Variants in SHQ1 observed in about 807,000 individuals in gnomAD.
SHQ1 encodes the protein protein SHQ1 homolog.
Under a neutral mutation model 53.8 loss-of-function variants are expected in SHQ1, and 49 were observed. That is an observed-to-expected ratio of 0.91 (90% CI 0.72 to 1.16). SHQ1 has a LOEUF of 1.16. SHQ1 is among the 50% of genes most tolerant of loss of function. The pLI, the probability that SHQ1 is intolerant of heterozygous loss-of-function variation, is 0.00. For missense variants in SHQ1, 738 were observed against 683.1 expected, an observed-to-expected ratio of 1.08 and a Z score of -0.90; for synonymous variants, 243 against 251.0, an observed-to-expected ratio of 0.97 and a Z score of 0.30.
intron 4 of SHQ1, among the ~76,000 whole-genome samples, chr3:72,834,470 C>T (rs1292130929): frequency 6.6e-6 from 1 of 152,104 alleles, no homozygotes; most frequent in Admixed American, 6.5e-5. Context: ...GTGGAGGTTG[C>T]AGTGAGATGA....
chr3:72,774,364 G>A (rs1302704131), intron 10 of SHQ1, among the ~76,000 whole-genome samples: 2 of 151,646 alleles, frequency 1.3e-5, no homozygotes, highest in South Asian at 2.1e-4. Flanking sequence ...ATGCAACACA[G>A]CAGCTAACAA....
intron 5 of SHQ1, 105 bp downstream of exon 5, chr3:72,832,264 T>A (rs114917255): frequency 4.0e-5 from 31 of 768,190 alleles, no homozygotes; most frequent in Non-Finnish European, 6.9e-5. Context: ...ATCAATAATT[T>A]CTGGAATCCG....
Position 72,786,462 on chromosome 3 carries a change from T to C in SHQ1, c.1181+6454A>G, listed in dbSNP as rs1437917552. Reference sequence around the variant, plus strand: ...CCTATCCCTTCTGTACTATAACCTATGCATCCTGGGTTTTCAGGCTGTTCA... The same window carrying C: ...CCTATCCCTTCTGTACTATAACCTACGCATCCTGGGTTTTCAGGCTGTTCA... On this transcript the variant is annotated intron_variant, in intron 10 of 10. Coordinates refer to ENST00000325599, the MANE Select transcript of SHQ1 (RefSeq NM_018130.3). Among the ~76,000 whole-genome samples the C allele has an allele frequency of 3.3e-5, 5 of 152,332 alleles. No individual in the cohort carries two copies. The East Asian group carries it at 7.7e-4, about 23-fold the overall frequency.
chr3:72,784,782 A>G (rs1195539595), intron 10 of SHQ1, among the ~76,000 whole-genome samples: 1 of 152,180 alleles, frequency 6.6e-6, no homozygotes, highest in African/African-American at 2.4e-5. Flanking sequence ...GCGTGCCTGA[A>G]TTTAACAGAT....
In SHQ1 at chr3:72,846,395, A is replaced by G. The variant is rs1708330147; in HGVS notation, c.143+1803T>C. Reference sequence around the variant, plus strand: ...CTGCAACCTTCGCCCCCCAGGTTCAAGCGATTCTCTCACCTCAAGCTTCCC... The same window carrying G: ...CTGCAACCTTCGCCCCCCAGGTTCAGGCGATTCTCTCACCTCAAGCTTCCC... On this transcript the variant is annotated intron_variant, in intron 1 of 10. Coordinates refer to ENST00000325599, the MANE Select transcript of SHQ1 (RefSeq NM_018130.3). The G allele has an allele frequency of 3.2e-6, 4 of 1,247,192 alleles. No homozygotes were observed. The South Asian group carries it at 4.3e-5, about 13-fold the overall frequency. 77.3% of individuals were successfully genotyped at this position (1,247,192 alleles called of 1,614,324 possible). A position where few individuals can be genotyped will look rare whatever the true frequency, so the allele number is the denominator to read the frequency against.
chr3:72,831,932 A>G (rs926750337), intron 5 of SHQ1, among the ~76,000 whole-genome samples: 1 of 152,256 alleles, frequency 6.6e-6, no homozygotes, highest in African/African-American at 2.4e-5. Context: ...TACAAGGGCT[A>G]GTGGATGAAA....
the SHQ1 span, among the ~76,000 whole-genome samples, chr3:72,742,115 C>T: frequency 2.1e-4 from 31 of 150,678 alleles, no homozygotes; most frequent in African/African-American, 7.1e-4. Flanking sequence ...CCCAGCTACT[C>T]GGGAGACTGA....
intron 9 of SHQ1, among the ~76,000 whole-genome samples, chr3:72,812,346 C>A (rs532785640): frequency 6.6e-6 from 1 of 152,126 alleles, no homozygotes; most frequent in African/African-American, 2.4e-5. Flanking sequence ...ACCCACAGTC[C>A]CACCATAGAG....
At chr3:72,726,356 T>C in the SHQ1 span, among the ~76,000 whole-genome samples, 2 of 152,002 alleles carry the variant, frequency 1.3e-5, no homozygotes, top group Non-Finnish European at 2.9e-5. Flanking sequence ...TTAGGCCCTT[T>C]CTTTTTTTTT....
intron 4 of SHQ1, among the ~76,000 whole-genome samples, chr3:72,835,553 C>A (rs1317502795): frequency 1.3e-5 from 2 of 152,124 alleles, no homozygotes; most frequent in Non-Finnish European, 2.9e-5. Context: ...TCTCTGTAGA[C>A]AACTCTACAT....
At chr3:72,749,097 T>G (rs1354164576), downstream of SHQ1, among the ~76,000 whole-genome samples, 1 of 152,168 alleles carries the variant, frequency 6.6e-6, no homozygotes. Flanking sequence ...ATAACCATCA[T>G]GTGGAAGACT....
chr3:72,845,325 A>G (rs1708296961), intron 1 of SHQ1, among the ~76,000 whole-genome samples: 1 of 152,064 alleles, frequency 6.6e-6, no homozygotes, highest in South Asian at 2.1e-4. Context: ...ATCTACTAAA[A>G]ATACAAAATT....
chr3:72,824,127 T>C (rs1020222502), intron 6 of SHQ1, among the ~76,000 whole-genome samples: 17 of 152,144 alleles, frequency 1.1e-4, no homozygotes, highest in Admixed American at 2.6e-4. Context: ...ACTACAAATG[T>C]CCTGTGTGAT....
At chr3:72,812,869 A>T in intron 8 of SHQ1, 75 bp from the exon 9 acceptor site, 1 of 1,559,262 alleles carries the variant, frequency 6.4e-7, no homozygotes, top group Admixed American at 1.8e-5. Context: ...TGAAATAGGA[A>T]GCTTTTCTCA....
chr3:72,799,353 G>A (rs945379837), intron 9 of SHQ1, among the ~76,000 whole-genome samples: 1 of 152,096 alleles, frequency 6.6e-6, no homozygotes, highest in South Asian at 2.1e-4. Context: ...CTGGGATTCT[G>A]ATGAGACCAT....
intron 9 of SHQ1, among the ~76,000 whole-genome samples, chr3:72,812,069 T>C (rs1707140264): frequency 6.6e-6 from 1 of 152,244 alleles, no homozygotes; most frequent in South Asian, 2.1e-4. Context: ...GAGCCCAGAA[T>C]TTTCCACATC....
At chr3:72,729,387 C>T in the SHQ1 span, among the ~76,000 whole-genome samples, 153 of 152,248 alleles carry the variant, frequency 1.0e-3, 1 homozygote, top group Non-Finnish European at 1.9e-3. Context: ...AGCCTGGGGC[C>T]GCTGCTCGTG....
chr3:72,801,235 A>G (rs1706776243), intron 9 of SHQ1, among the ~76,000 whole-genome samples: 1 of 152,202 alleles, frequency 6.6e-6, no homozygotes, highest in Non-Finnish European at 1.5e-5. Flanking sequence ...GCTGCAACCT[A>G]AACCTGAACT....
intron 10 of SHQ1, among the ~76,000 whole-genome samples, chr3:72,788,487 C>T (rs908011361): frequency 4.0e-5 from 6 of 151,498 alleles, no homozygotes; most frequent in Non-Finnish European, 1.5e-5. Context: ...GCAGCCGCCG[C>T]GTCCGGGAGG....
Sources: gnomAD v4.1 joint callset for allele counts (sites outside exome capture counted in the v4.1 genomes callset) on GRCh38, gnomAD v4.1.1 for gene constraint, MANE v1.5 for transcripts, NCBI Gene and HGNC (gene_info 2026-07-23, HGNC 2026-07-21) for gene names.